CNBD1: variants seen among roughly 807,000 people sequenced by gnomAD.
CNBD1 encodes the protein cyclic nucleotide-binding domain-containing protein 1.
CNBD1 carries 71 observed loss-of-function variants against 54.4 expected under a neutral mutation model. The ratio of observed to expected loss-of-function variants is 1.30; its 90% CI spans 1.08 to 1.59. The LOEUF is 1.59. CNBD1 is among the 40% of genes most tolerant of loss of function. The probability of loss-of-function intolerance (pLI) is 0.00; values close to 1 mark genes in which losing one functional copy is unlikely to be tolerated. For synonymous variants in CNBD1, 182 were observed against 170.7 expected (o/e 1.07, Z -0.51); for missense variants, 659 against 518.0 (o/e 1.27, Z -2.64).
chr8:87,377,863 T>C (rs886452360), intron 10 of CNBD1, among the ~76,000 whole-genome samples: 1 of 151,478 alleles, frequency 6.6e-6, no homozygotes, highest in Non-Finnish European at 1.5e-5. Context: ...TGTGAGATGA[T>C]ATCTCACTGT....
At chr8:86,899,016 C>T (rs1433086412) in intron 2 of CNBD1, among the ~76,000 whole-genome samples, 2 of 152,050 alleles carry the variant, frequency 1.3e-5, no homozygotes, top group African/African-American at 4.8e-5. Flanking sequence ...TGAGATCTTG[C>T]CATTTGCTAC....
intron 8 of CNBD1, among the ~76,000 whole-genome samples, chr8:87,330,724 T>A (rs1171772976): frequency 6.6e-6 from 1 of 152,206 alleles, no homozygotes; most frequent in Non-Finnish European, 1.5e-5. Context: ...TCTTTGTGAA[T>A]GTTCTATGTT....
At chr8:87,349,205 G>C (rs1303453367) in intron 8 of CNBD1, among the ~76,000 whole-genome samples, 6 of 151,882 alleles carry the variant, frequency 4.0e-5, no homozygotes, top group Non-Finnish European at 7.4e-5. Context: ...AGGAGGAAAG[G>C]GTATCCAAAC....
chr8:87,308,441 G>C (rs1328268748), intron 8 of CNBD1, among the ~76,000 whole-genome samples: 1 of 151,960 alleles, frequency 6.6e-6, no homozygotes, highest in Non-Finnish European at 1.5e-5. Context: ...TGTCTTTTTT[G>C]TGTGATTCTA....
At chr8:87,414,826 C>A (rs962316690) in intron 2 of CNBD1, among the ~76,000 whole-genome samples, 1 of 151,978 alleles carries the variant, frequency 6.6e-6, no homozygotes, top group South Asian at 2.1e-4. Context: ...ATTTTTTATG[C>A]TATTTTGCAA....
At chr8:87,220,499 G>GTTTTTTTTTTTTTTTTTTTT (rs111608836) in intron 5 of CNBD1, among the ~76,000 whole-genome samples, 1 of 126,642 alleles carries the variant, frequency 7.9e-6, no homozygotes. Context: ...AACTGTCCAA[G>GTTTTTTTTTTTTTTTTTTTT]TTTTTTTTTT....
chr8:87,385,570 AG>A (rs1811166003), downstream of CNBD1, among the ~76,000 whole-genome samples: 1 of 151,674 alleles, frequency 6.6e-6, no homozygotes, highest in Non-Finnish European at 1.5e-5. Flanking sequence ...AGGCTGGGGG[AG>A]GGGCGCCCAC....
Position 87,284,740 on chromosome 8 carries a change from G to A in CNBD1, c.834G>A (p.Gln278=), listed in dbSNP as rs1339698425. ...EVMPQNESET[Q]MFSVVTEDDC... The stretch of plus-strand genomic sequence containing the variant: ...TGCCTCAGAATGAATCGGAAACACA[G>A]ATGTTCTCGGTGGTGACAGAAGACG... The change falls in exon 7 of 11, where the codon CAG becomes CAA. Residue 278 remains glutamine, a synonymous_variant. Transcript: ENST00000518476. 3 of 1,604,360 alleles carry A rather than the reference G, an allele frequency of 1.9e-6. No homozygotes were observed. The highest frequency in any genetic ancestry group is 1.3e-5 in the African/African-American group (1 of 74,728).
At position 87,378,912 on chromosome 8, in the gene CNBD1, A is replaced by T. The variant is rs545324202; in HGVS notation, c.1304-3708A>T. On this transcript the variant is annotated intron_variant, in intron 10 of 10. Transcript: ENST00000518476. ...TTCCTAGGTATTTTATTCTCTTTGA[A>T]GCAATTGTGAATGGGAGTTCACTCA... Among the ~76,000 whole-genome samples, 212 of 149,166 alleles carry T rather than the reference A, an allele frequency of 1.4e-3. 3 individuals are homozygous for T. The highest frequency in any genetic ancestry group is 5.0e-3 in the African/African-American group (198 of 39,860).
intron 4 of CNBD1, among the ~76,000 whole-genome samples, chr8:86,959,652 G>A (rs1271419283): frequency 6.6e-6 from 1 of 152,068 alleles, no homozygotes; most frequent in Non-Finnish European, 1.5e-5. Flanking sequence ...GGCTACTAAA[G>A]CTTGTGCATG....
chr8:87,049,775 G>A (rs1046378339), intron 4 of CNBD1, among the ~76,000 whole-genome samples: 8 of 152,202 alleles, frequency 5.3e-5, no homozygotes, highest in African/African-American at 1.9e-4. Context: ...TTGTTTGTTA[G>A]CCAGAGACTC....
intron 10 of CNBD1, among the ~76,000 whole-genome samples, chr8:87,377,854 G>T (rs1392774867): frequency 6.6e-6 from 1 of 151,168 alleles, no homozygotes; most frequent in Non-Finnish European, 1.5e-5. Flanking sequence ...TCTAACTGGT[G>T]TGAGATGATA....
intron 4 of CNBD1, among the ~76,000 whole-genome samples, chr8:87,181,093 C>T (rs992373423): frequency 6.6e-6 from 1 of 152,108 alleles, no homozygotes; most frequent in Non-Finnish European, 1.5e-5. Context: ...CCTCCCTTAC[C>T]TCCTTGATGT....
chr8:87,192,673 T>G (rs1414255929), intron 4 of CNBD1, among the ~76,000 whole-genome samples: 1 of 152,208 alleles, frequency 6.6e-6, no homozygotes, highest in Non-Finnish European at 1.5e-5. Flanking sequence ...AAAATTAGTA[T>G]GCATGTTGAA....
chr8:86,975,644 G>T (rs559217234), intron 4 of CNBD1, among the ~76,000 whole-genome samples: 4 of 151,960 alleles, frequency 2.6e-5, no homozygotes, highest in Non-Finnish European at 4.4e-5. Flanking sequence ...GAGCACTTCA[G>T]TTGTTTCTAT....
downstream of CNBD1, chr8:87,382,936 T>C (rs1348077211): frequency 1.3e-5 from 3 of 227,988 alleles, no homozygotes; most frequent in Non-Finnish European, 2.6e-5. Context: ...AAAAGTTATA[T>C]GTAAATGTTT....
chr8:87,324,558 C>A (rs999607184), intron 8 of CNBD1, among the ~76,000 whole-genome samples: 81 of 145,172 alleles, frequency 5.6e-4, no homozygotes, highest in African/African-American at 2.0e-3. Flanking sequence ...AGGAATGTAT[C>A]CATTTCTTCT....
chr8:87,021,322 T>C (rs958772612), intron 4 of CNBD1, among the ~76,000 whole-genome samples: 2 of 152,216 alleles, frequency 1.3e-5, no homozygotes, highest in African/African-American at 4.8e-5. Context: ...GTTTGTTCAG[T>C]AAATTTTCTC....
chr8:87,359,411 CTTG>C (rs1810486141), intron 10 of CNBD1, among the ~76,000 whole-genome samples: 1 of 151,918 alleles, frequency 6.6e-6, no homozygotes, highest in African/African-American at 2.4e-5. Flanking sequence ...CTAGATTTTG[CTTG>C]TTTTTTCAAA....
Sources: allele counts gnomAD v4.1 joint callset (sites outside exome capture counted in the v4.1 genomes callset), GRCh38; gene constraint gnomAD v4.1.1; transcripts MANE v1.5; gene names NCBI Gene and HGNC (gene_info 2026-07-23, HGNC 2026-07-21).